Variants in EPB41L3 observed in about 807,000 individuals in gnomAD.
The protein encoded by EPB41L3 is band 4.1-like protein 3.
Under a neutral mutation model 127.1 loss-of-function variants are expected in EPB41L3, and 57 were observed. That is an observed-to-expected ratio of 0.45 (90% CI 0.36 to 0.56). The LOEUF (loss-of-function observed/expected upper bound fraction) is 0.56, where lower values mean the gene tolerates loss of function less well. Among genes scored for constraint, EPB41L3 ranks in the 20% least tolerant of loss-of-function variants. The pLI is 0.00. For synonymous variants in EPB41L3, 572 were observed against 549.5 expected (o/e 1.04, Z -0.57); for missense variants, 1,273 against 1,372.2 (o/e 0.93, Z 1.14).
chr18:5,436,740 T>C (rs1448424373), intron 6 of EPB41L3, among the ~76,000 whole-genome samples: 1 of 152,192 alleles, frequency 6.6e-6, no homozygotes, highest in African/African-American at 2.4e-5. Flanking sequence ...TCCAGGTATA[T>C]GTGGGCTCTA....
In EPB41L3 at chr18:5,397,268, G is replaced by C; in HGVS notation, c.2631C>G (p.Ser877Arg). The change falls in exon 18 of 23, where the codon AGC becomes AGG. Residue 877 changes from serine to arginine, a missense_variant. Physicochemically the swap from Ser to Arg is moderately radical, Grantham distance 110. Transcript: ENST00000341928. This position sits in a 1 kb window ranked among gnomAD's most constrained non-coding sequence, Gnocchi z 4.1. ...SGDASYSAGD[S>R]GDAAAQPAFT... is the part of the protein sequence containing the mutation. Reference sequence around the variant, plus strand: ...ATGCGGGCTGTGCTGCAGCATCCCCGCTGTCTCCCGCCGAGTAAGAAGCAT... The same window carrying C: ...ATGCGGGCTGTGCTGCAGCATCCCCCCTGTCTCCCGCCGAGTAAGAAGCAT... 1 of 1,613,936 alleles carries C rather than the reference G, an allele frequency of 6.2e-7. No homozygotes were observed. Among genetic ancestry groups the C allele is most frequent in the Non-Finnish European group, 8.5e-7 (1 of 1,180,016 alleles).
intron 3 of EPB41L3, among the ~76,000 whole-genome samples, chr18:5,447,448 CTT>C (rs10694622): frequency 0.011 from 1,254 of 114,030 alleles, 16 homozygotes; most frequent in African/African-American, 0.037. Flanking sequence ...AGCTAGACTA[CTT>C]TTTTTTTTTT....
At chr18:5,579,070 CAA>C (rs2094365358) in intron 3 of EPB41L3, among the ~76,000 whole-genome samples, 3 of 152,062 alleles carry the variant, frequency 2.0e-5, no homozygotes, top group Admixed American at 2.0e-4. Flanking sequence ...GAATATTAAA[CAA>C]TAGAACAAAA....
intron 3 of EPB41L3, among the ~76,000 whole-genome samples, chr18:5,466,582 T>C (rs562731755): frequency 1.2e-4 from 18 of 152,356 alleles, no homozygotes; most frequent in African/African-American, 4.3e-4. Flanking sequence ...TTTACAGGGC[T>C]GAACTAGACT....
chr18:5,586,936 A>G (rs556095117), intron 3 of EPB41L3, among the ~76,000 whole-genome samples: 2 of 152,122 alleles, frequency 1.3e-5, no homozygotes, highest in African/African-American at 2.4e-5. Context: ...GAAACCTCAC[A>G]GTTCTTTCAC....
chr18:5,456,500 C>T (rs1484329437), intron 3 of EPB41L3, among the ~76,000 whole-genome samples: 4 of 152,202 alleles, frequency 2.6e-5, no homozygotes, highest in African/African-American at 7.2e-5. Flanking sequence ...GACATGCTCA[C>T]ACTGTAAATG....
Position 5,605,029 on chromosome 18 carries a change from AC to A in EPB41L3, c.-306+7310del, listed in dbSNP as rs1162682354. Among the ~76,000 whole-genome samples, 13 of 152,170 alleles carry A rather than the reference AC, an allele frequency of 8.5e-5. No homozygotes were observed. In the East Asian group the frequency reaches 2.5e-3, roughly 29 times the overall value. On this transcript the variant is annotated intron_variant, in intron 3 of 21. Transcript: ENST00000545076. ...TTGCCTCTGCCGAAGACAACTGCTT[AC>A]CTCAGGTCACACCTCCTCCTGGGGA...
chr18:5,428,607 T>C, intron 8 of EPB41L3, 142 bp from the exon 9 acceptor site: 1 of 941,182 alleles, frequency 1.1e-6, no homozygotes, highest in Non-Finnish European at 1.6e-6. Context: ...TTTAAAACAT[T>C]ACCATTAAAC....
intron 3 of EPB41L3, among the ~76,000 whole-genome samples, chr18:5,452,799 TGTGTG>T (rs1568240042): frequency 2.0e-5 from 3 of 152,104 alleles, no homozygotes; most frequent in East Asian, 1.9e-4. Context: ...TGTGTGTGTG[TGTGTG>T]TTTTTAAAAA....
At chr18:5,617,476 A>G (rs991962569) in intron 1 of EPB41L3, among the ~76,000 whole-genome samples, 2 of 151,770 alleles carry the variant, frequency 1.3e-5, no homozygotes, top group East Asian at 3.9e-4. Context: ...CAGCCACCAC[A>G]CCCGGCTAAT....
At chr18:5,610,822 C>T (rs1217193203) in intron 3 of EPB41L3, among the ~76,000 whole-genome samples, 1 of 151,808 alleles carries the variant, frequency 6.6e-6, no homozygotes, top group East Asian at 1.9e-4. Flanking sequence ...TTATAGAGGC[C>T]CAGGAAAAAT....
At chr18:5,400,790 A>G in intron 16 of EPB41L3, 1 of 583,972 alleles carries the variant, frequency 1.7e-6, no homozygotes, top group Non-Finnish European at 3.1e-6. Context: ...CATAACTGAT[A>G]ACTAAAATAT....
At position 5,415,873 on chromosome 18, in the gene EPB41L3, G is replaced by A. The variant is rs770912685; in HGVS notation, c.2012C>T (p.Ala671Val). Reference sequence around the variant, plus strand: ...GTCTAGGGAGGCGCTCAAGGAGGCCGCCTTGGGCTCCAGGTAGCAGAGGCA... The same window carrying A: ...GTCTAGGGAGGCGCTCAAGGAGGCCACCTTGGGCTCCAGGTAGCAGAGGCA... Reference protein sequence around the residue: ...ALCLCYLEPKAASLSASLDND... With the variant: ...ALCLCYLEPKVASLSASLDND... The change falls in exon 13 of 23, where the codon GCG becomes GTG. Residue 671 changes from alanine to valine, a missense_variant. Transcript: ENST00000341928. 12 of 1,613,580 alleles carry A rather than the reference G, an allele frequency of 7.4e-6. No individual in the cohort carries two copies. Among genetic ancestry groups the A allele is most frequent in the East Asian group, 4.5e-5 (2 of 44,888 alleles).
intron 2 of EPB41L3, 52 bp downstream of exon 2, chr18:5,488,949 C>T: frequency 6.6e-7 from 1 of 1,521,886 alleles, no homozygotes; most frequent in Non-Finnish European, 8.7e-7. Context: ...TAAAGCCGAT[C>T]CTGGAGCAGC....
intron 3 of EPB41L3, among the ~76,000 whole-genome samples, chr18:5,474,135 G>C (rs1484396936): frequency 6.6e-6 from 1 of 152,028 alleles, no homozygotes; most frequent in Non-Finnish European, 1.5e-5. Context: ...GGAGGCTGAG[G>C]CAGGAGAATG....
At chr18:5,606,913 T>G (rs1030465695) in intron 3 of EPB41L3, among the ~76,000 whole-genome samples, 1 of 147,640 alleles carries the variant, frequency 6.8e-6, no homozygotes, top group Admixed American at 6.8e-5. Flanking sequence ...TCTCTCTCTC[T>G]CTGTCTCTCT....
Position 5,621,775 on chromosome 18 carries a change from A to C in EPB41L3, c.-468+7147T>G, listed in dbSNP as rs1356406178. Among the ~76,000 whole-genome samples the C allele has an allele frequency of 2.0e-5, 3 of 152,314 alleles. 1 individual carries two copies. The highest frequency in any genetic ancestry group is 6.8e-3 in the Middle Eastern group (2 of 294). On this transcript the variant is annotated intron_variant, in intron 1 of 21. Transcript: ENST00000545076. ...AAAAGAAAGCAGATCATCCCTGTCC[A>C]TTTGAAAACATGAAAGTGTAACAGT... is the stretch of plus-strand genomic sequence containing the variant.
At chr18:5,445,949 A>T (rs2081413588) in intron 3 of EPB41L3, among the ~76,000 whole-genome samples, 1 of 152,124 alleles carries the variant, frequency 6.6e-6, no homozygotes, top group Non-Finnish European at 1.5e-5. Context: ...TCCATAGAAA[A>T]AAAATGGTCT....
At chr18:5,445,111 CT>C in intron 4 of EPB41L3, 28 bp downstream of exon 4, 1 of 1,570,140 alleles carries the variant, frequency 6.4e-7, no homozygotes, top group African/African-American at 1.3e-5. Flanking sequence ...TTCAAGCCAT[CT>C]TATTTTGCAT....
Sources: allele counts gnomAD v4.1 joint callset (sites outside exome capture counted in the v4.1 genomes callset), GRCh38; gene constraint gnomAD v4.1.1; non-coding constraint Gnocchi (gnomAD v3.1); transcripts MANE v1.5; gene names NCBI Gene and HGNC (gene_info 2026-07-23, HGNC 2026-07-21).